Variants in SH2D4A observed in about 807,000 individuals in gnomAD.
The protein encoded by SH2D4A is SH2 domain containing 4A, also known as SH2 domain-containing protein 4A.
A neutral mutation model predicts 64.7 loss-of-function variants in SH2D4A; 70 were observed. That is an observed-to-expected ratio of 1.08 (90% CI 0.89 to 1.32). The LOEUF is 1.32. Among genes scored for constraint, SH2D4A ranks in the 40% most tolerant of loss-of-function variants. The pLI, the probability that SH2D4A is intolerant of heterozygous loss-of-function variation, is 0.00. For missense variants in SH2D4A, 706 were observed against 540.1 expected, an observed-to-expected ratio of 1.31 and a Z score of -3.04; for synonymous variants, 268 against 200.7, an observed-to-expected ratio of 1.34 and a Z score of -2.83.
At chr8:19,333,949 G>A (rs906261625) in intron 3 of SH2D4A, among the ~76,000 whole-genome samples, 1 of 152,152 alleles carries the variant, frequency 6.6e-6, no homozygotes, top group African/African-American at 2.4e-5. Context: ...TTGGACAACT[G>A]CTTCAGAGGC....
chr8:19,331,808 G>A (rs2052368726), intron 2 of SH2D4A, among the ~76,000 whole-genome samples: 2 of 152,212 alleles, frequency 1.3e-5, no homozygotes, highest in African/African-American at 4.8e-5. Context: ...TTTTGCAGAT[G>A]AGGAAATTGA....
chr8:19,359,470 AT>A (rs2052844850), intron 5 of SH2D4A, among the ~76,000 whole-genome samples: 2 of 152,246 alleles, frequency 1.3e-5, no homozygotes, highest in Admixed American at 6.5e-5. Flanking sequence ...CCGTTTAAAA[AT>A]AAACACGTAT....
At chr8:19,351,860 T>C (rs2052710419) in intron 4 of SH2D4A, among the ~76,000 whole-genome samples, 2 of 152,090 alleles carry the variant, frequency 1.3e-5, no homozygotes, top group African/African-American at 2.4e-5. Flanking sequence ...CTTGGCTCAC[T>C]GCAACCTCTG....
At chr8:19,358,399 G>A (rs2052827597) in intron 5 of SH2D4A, among the ~76,000 whole-genome samples, 1 of 152,154 alleles carries the variant, frequency 6.6e-6, no homozygotes, top group South Asian at 2.1e-4. Context: ...AAGCACTGCA[G>A]AGGAAAATAA....
intron 8 of SH2D4A, among the ~76,000 whole-genome samples, chr8:19,381,128 C>T (rs1375535746): frequency 1.3e-5 from 2 of 151,840 alleles, no homozygotes; most frequent in Non-Finnish European, 2.9e-5. Context: ...TTGCTCACTG[C>T]AACCTCCACC....
intron 8 of SH2D4A, among the ~76,000 whole-genome samples, chr8:19,388,797 T>C (rs1471075639): frequency 3.9e-5 from 6 of 152,194 alleles, no homozygotes; most frequent in African/African-American, 1.4e-4. Flanking sequence ...ACACAAGCAT[T>C]CATTAAACTC....
At chr8:19,350,174 G>T (rs1388136934) in intron 4 of SH2D4A, among the ~76,000 whole-genome samples, 1 of 151,914 alleles carries the variant, frequency 6.6e-6, no homozygotes, top group African/African-American at 2.4e-5. Flanking sequence ...TATTTCTCTT[G>T]CTTGTCTTTT....
At chr8:19,384,019 T>G (rs2053343139) in intron 8 of SH2D4A, among the ~76,000 whole-genome samples, 1 of 152,242 alleles carries the variant, frequency 6.6e-6, no homozygotes, top group African/African-American at 2.4e-5. Context: ...GTTTATCAGA[T>G]TTGTGCAGTT....
chr8:19,365,341 C>T (rs577572193), intron 7 of SH2D4A, among the ~76,000 whole-genome samples: 2 of 152,146 alleles, frequency 1.3e-5, no homozygotes, highest in South Asian at 2.1e-4. Flanking sequence ...CAGTAAAGAC[C>T]ATGATCTCCA....
intron 2 of SH2D4A, among the ~76,000 whole-genome samples, chr8:19,321,949 C>G (rs1345122261): frequency 6.6e-6 from 1 of 152,176 alleles, no homozygotes; most frequent in Non-Finnish European, 1.5e-5. Flanking sequence ...TTGAATCTAC[C>G]TCTCAGAAAC....
chr8:19,315,257 T>C (rs914408755), intron 1 of SH2D4A, among the ~76,000 whole-genome samples: 1 of 152,110 alleles, frequency 6.6e-6, no homozygotes, highest in African/African-American at 2.4e-5. Context: ...CACCTCAACC[T>C]CCCAAGTAGG....
At chr8:19,359,843 C>T (rs1387191444) in intron 5 of SH2D4A, among the ~76,000 whole-genome samples, 5 of 152,000 alleles carry the variant, frequency 3.3e-5, no homozygotes, top group African/African-American at 9.7e-5. Context: ...TTATACTTTA[C>T]GTTGTGGTGA....
intron 7 of SH2D4A, among the ~76,000 whole-genome samples, chr8:19,367,986 G>A (rs1464089969): frequency 1.3e-5 from 2 of 152,084 alleles, no homozygotes; most frequent in Non-Finnish European, 2.9e-5. Flanking sequence ...TCTTTTGGTA[G>A]CTTCATGGCC....
intron 7 of SH2D4A, among the ~76,000 whole-genome samples, chr8:19,370,011 C>T (rs1045509099): frequency 3.3e-5 from 5 of 151,986 alleles, no homozygotes; most frequent in Non-Finnish European, 5.9e-5. Flanking sequence ...ATGTTGTTTT[C>T]ATTTTCATTC....
At chr8:19,371,647 C>T (rs2053100726) in intron 7 of SH2D4A, among the ~76,000 whole-genome samples, 1 of 152,136 alleles carries the variant, frequency 6.6e-6, no homozygotes, top group African/African-American at 2.4e-5. Flanking sequence ...TATTTCTTTG[C>T]ATAAGCATTT....
intron 4 of SH2D4A, among the ~76,000 whole-genome samples, chr8:19,352,608 A>G (rs1418724228): frequency 1.3e-5 from 2 of 152,226 alleles, no homozygotes; most frequent in African/African-American, 4.8e-5. Context: ...AGTGGCTGTT[A>G]TGCGTAAGAG....
chr8:19,356,004 G>C (rs2052786013), intron 4 of SH2D4A, among the ~76,000 whole-genome samples: 1 of 152,194 alleles, frequency 6.6e-6, no homozygotes, highest in Non-Finnish European at 1.5e-5. Context: ...GGAGGGCTCT[G>C]CTCCACACAG....
At chr8:19,364,018 C>A (rs1318920568) in intron 6 of SH2D4A, 54 bp from the exon 7 acceptor site, 15 of 1,578,450 alleles carry the variant, frequency 9.5e-6, no homozygotes, top group Non-Finnish European at 1.1e-5. Flanking sequence ...GCTGAGCCTT[C>A]TCACCTGCTC....
chr8:19,343,484 G>C (rs1205682171), intron 4 of SH2D4A, among the ~76,000 whole-genome samples: 2 of 151,992 alleles, frequency 1.3e-5, no homozygotes, highest in African/African-American at 4.8e-5. Flanking sequence ...TATCTCATGG[G>C]TTTTTGGTGG....
Sources: allele counts gnomAD v4.1 joint callset (sites outside exome capture counted in the v4.1 genomes callset), GRCh38; gene constraint gnomAD v4.1.1; transcripts MANE v1.5; gene names NCBI Gene and HGNC (gene_info 2026-07-23, HGNC 2026-07-21).